The following NBAS variants were observed in gnomAD, a reference collection of about 807,000 sequenced individuals.
The protein encoded by NBAS is NAG/BC035112 fusion.
Under a neutral mutation model 302.5 loss-of-function variants are expected in NBAS, and 219 were observed. The ratio of observed to expected loss-of-function variants is 0.72; its 90% confidence interval spans 0.65 to 0.81. The LOEUF (loss-of-function observed/expected upper bound fraction) is 0.81. NBAS is among the 30% of genes least tolerant of loss of function. NBAS has a pLI of 0.00. For missense variants in NBAS, 2,932 were observed against 2,841.6 expected (o/e 1.03, Z -0.72); for synonymous variants, 1,118 against 1,021.6 (o/e 1.09, Z -1.80).
chr2:15,543,546 TC>T (rs1663954997), intron 6 of NBAS, among the ~76,000 whole-genome samples: 1 of 152,208 alleles, frequency 6.6e-6, no homozygotes, highest in African/African-American at 2.4e-5. Flanking sequence ...AATTTACAGT[TC>T]CATGTGGTTA....
the NBAS span, among the ~76,000 whole-genome samples, chr2:15,135,867 TAA>T: frequency 0.027 from 3,551 of 132,340 alleles, 122 homozygotes; most frequent in African/African-American, 0.081. Flanking sequence ...GCTGATGAGC[TAA>T]AAAAAAAAAA....
the NBAS span, among the ~76,000 whole-genome samples, chr2:14,900,569 T>C: frequency 6.6e-6 from 1 of 152,228 alleles, no homozygotes; most frequent in African/African-American, 2.4e-5. Flanking sequence ...CTATAAAGAA[T>C]TCCTTCTCTT....
intron 11 of NBAS, among the ~76,000 whole-genome samples, chr2:15,501,482 T>A (rs894647336): frequency 2.6e-5 from 4 of 152,032 alleles, no homozygotes; most frequent in African/African-American, 9.7e-5. Flanking sequence ...GTATCTGCAA[T>A]ATGACAATCA....
At position 15,402,826 on chromosome 2, in the gene NBAS, T is replaced by G. The variant is rs553074890; in HGVS notation, c.2938-525A>C. ...CACAGAACACATTCCATATTTCTGA[T>G]GAAGAAAGATGGCTACTTAGGGTGA... On this transcript the variant is annotated intron_variant, in intron 25 of 51. Coordinates refer to ENST00000281513, the MANE Select transcript of NBAS (RefSeq NM_015909.4). Among the ~76,000 whole-genome samples the G allele has an allele frequency of 1.6e-4, 24 of 152,340 alleles. No homozygotes were observed. The South Asian group carries it at 3.5e-3, about 22-fold the overall frequency.
intron 6 of NBAS, among the ~76,000 whole-genome samples, chr2:15,543,205 T>C (rs147929195): frequency 0.02 from 2,970 of 152,286 alleles, 35 homozygotes; most frequent in Non-Finnish European, 0.031. Context: ...CAGCTGTAGC[T>C]CCTCAAATCT....
chr2:14,964,916 A>T, the NBAS span, among the ~76,000 whole-genome samples: 8 of 152,294 alleles, frequency 5.3e-5, no homozygotes, highest in East Asian at 1.5e-3. Flanking sequence ...TTGGAAAACT[A>T]AACAACACAC....
At chr2:15,461,105 A>C in intron 21 of NBAS, 96 bp downstream of exon 21, 1 of 1,155,382 alleles carries the variant, frequency 8.7e-7, no homozygotes, top group Non-Finnish European at 1.2e-6. Flanking sequence ...AATATATTAC[A>C]TTAAAATTAT....
intron 48 of NBAS, among the ~76,000 whole-genome samples, chr2:15,210,937 T>C (rs530823017): frequency 2.0e-4 from 30 of 152,184 alleles, no homozygotes; most frequent in African/African-American, 7.2e-4. Context: ...ATTGAACTCA[T>C]GCAGATAGAG....
chr2:15,351,605 G>T (rs1255430320), intron 35 of NBAS, among the ~76,000 whole-genome samples: 1 of 151,954 alleles, frequency 6.6e-6, no homozygotes, highest in Non-Finnish European at 1.5e-5. Context: ...TTGAACCTGG[G>T]AGGTGGAGGT....
chr2:14,934,026 G>A, the NBAS span, among the ~76,000 whole-genome samples: 1 of 152,186 alleles, frequency 6.6e-6, no homozygotes. Flanking sequence ...GTAGTGTAAT[G>A]TGCTTTGGTG....
At chr2:15,432,291 AGGATTATATGGT>A in intron 21 of NBAS, among the ~76,000 whole-genome samples, 3 of 151,352 alleles carry the variant, frequency 2.0e-5, no homozygotes, top group South Asian at 4.2e-4. Flanking sequence ...AAAAAAAAAA[AGGATTATATGGT>A]AAACTCAAAT....
At chr2:15,419,529 C>G (rs1677110095) in intron 23 of NBAS, among the ~76,000 whole-genome samples, 1 of 152,126 alleles carries the variant, frequency 6.6e-6, no homozygotes, top group South Asian at 2.1e-4. Context: ...CTCTAGTGAT[C>G]TTCCCACCTC....
chr2:15,378,351 T>C (rs1177797191), intron 30 of NBAS, among the ~76,000 whole-genome samples: 2 of 152,058 alleles, frequency 1.3e-5, no homozygotes, highest in East Asian at 3.9e-4. Context: ...AAATACGTAT[T>C]AGAGGAACTA....
At chr2:15,406,548 G>A (rs911011163) in intron 25 of NBAS, among the ~76,000 whole-genome samples, 6 of 151,998 alleles carry the variant, frequency 3.9e-5, no homozygotes, top group East Asian at 1.9e-4. Context: ...GTAAAAGATC[G>A]AACAATTTGA....
the NBAS span, among the ~76,000 whole-genome samples, chr2:15,154,383 C>G: frequency 2.0e-5 from 3 of 152,122 alleles, no homozygotes; most frequent in Non-Finnish European, 4.4e-5. Context: ...GAGTTGTTTT[C>G]CCCTCGGTTT....
At chr2:14,966,322 G>T in the NBAS span, among the ~76,000 whole-genome samples, 1 of 152,170 alleles carries the variant, frequency 6.6e-6, no homozygotes, top group African/African-American at 2.4e-5. Flanking sequence ...CTAGGTTAAC[G>T]TTTGAAAATC....
At chr2:15,053,192 C>T in the NBAS span, among the ~76,000 whole-genome samples, 11 of 152,268 alleles carry the variant, frequency 7.2e-5, no homozygotes, top group East Asian at 2.1e-3. Context: ...GAAGAAGGTA[C>T]ATTGATTTTA....
At chr2:15,181,761 G>A (rs563206554) in intron 50 of NBAS, among the ~76,000 whole-genome samples, 1 of 152,232 alleles carries the variant, frequency 6.6e-6, no homozygotes, top group East Asian at 1.9e-4. Flanking sequence ...ACAGTCATGA[G>A]AGAAGCAGGA....
At chr2:14,795,508 T>C in the NBAS span, among the ~76,000 whole-genome samples, 1 of 151,884 alleles carries the variant, frequency 6.6e-6, no homozygotes, top group African/African-American at 2.4e-5. Context: ...AAGCCCTTTA[T>C]CAGATATAAT....
Sources: allele counts gnomAD v4.1 joint callset (sites outside exome capture counted in the v4.1 genomes callset), GRCh38; gene constraint gnomAD v4.1.1; transcripts MANE v1.5; gene names NCBI Gene and HGNC (gene_info 2026-07-23, HGNC 2026-07-21).